CC2D1B: variants seen among roughly 807,000 people sequenced by gnomAD.
CC2D1B encodes the protein coiled-coil and C2 domain-containing protein 1B.
Under a neutral mutation model 110.8 loss-of-function variants are expected in CC2D1B, and 92 were observed. That is an observed-to-expected ratio of 0.83 (90% CI 0.70 to 0.99). The LOEUF (loss-of-function observed/expected upper bound fraction) is 0.99, where lower values mean the gene tolerates loss of function less well. CC2D1B is among the 50% of genes least tolerant of loss of function. CC2D1B has a pLI of 0.00. For synonymous variants in CC2D1B, 406 were observed against 429.2 expected, an observed-to-expected ratio of 0.95 and a Z score of 0.67; for missense variants, 1,136 against 1,089.0, an observed-to-expected ratio of 1.04 and a Z score of -0.61.
rs967928465 is a variant in CC2D1B at position 52,353,201 on chromosome 1, C to G, written c.*24G>C. ...TCTCCTGCACAGTCGCGGCCTGACT[C>G]CTCTCCTGGTGCTGGCCATCGGCTA... On this transcript the variant is annotated 3_prime_UTR_variant, in exon 25 of 25. Transcript: ENST00000284376. 5 of 1,343,158 alleles carry G rather than the reference C, an allele frequency of 3.7e-6. No individual in the cohort carries two copies. The Admixed American group carries it at 6.7e-5, about 18-fold the overall frequency. 83.2% of individuals were successfully genotyped at this position (1,343,158 alleles called of 1,614,324 possible).
intron 16 of CC2D1B, 158 bp from the exon 17 acceptor site, chr1:52,356,600 C>T (rs1646658094): frequency 2.0e-5 from 14 of 710,202 alleles, no homozygotes; most frequent in East Asian, 5.4e-5. Context: ...AGTCCCACCA[C>T]GTTTCTCTGC....
At chr1:52,355,513 T>C (rs939602884) in intron 20 of CC2D1B, 64 bp from the exon 21 acceptor site, 1 of 1,607,636 alleles carries the variant, frequency 6.2e-7, no homozygotes, top group Non-Finnish European at 8.5e-7. Context: ...GGGCAGGCAC[T>C]GCAGCCACAC....
chr1:52,359,388 G>T (rs113118929), intron 9 of CC2D1B, 31 bp from the exon 10 acceptor site: 2 of 1,613,074 alleles, frequency 1.2e-6, no homozygotes, highest in African/African-American at 1.3e-5. Flanking sequence ...GTGTAGGTGG[G>T]AGGGCCTGGC....
intron 23 of CC2D1B, chr1:52,353,891 T>C: frequency 2.5e-6 from 1 of 405,008 alleles, no homozygotes; most frequent in South Asian, 3.8e-5. Flanking sequence ...CTCTGTTCAT[T>C]TTCTCCTCAA....
At chr1:52,354,314 C>G (rs1646593978) in intron 23 of CC2D1B, 1 of 598,670 alleles carries the variant, frequency 1.7e-6, no homozygotes, top group African/African-American at 1.8e-5. Context: ...CCCCTTTCCT[C>G]TCGGACCTGA....
At chr1:52,354,802 C>T (rs771686013) in intron 22 of CC2D1B, 38 bp downstream of exon 22, 141 of 1,605,398 alleles carry the variant, frequency 8.8e-5, no homozygotes, top group Non-Finnish European at 1.0e-4. Context: ...CTTCCCTCCT[C>T]CCGGCCCGTG....
chr1:52,357,840 GA>G lies in CC2D1B; in HGVS notation c.1519del (p.Ser507HisfsTer57). On this transcript the variant is annotated frameshift_variant, in exon 14 of 25. Coordinates refer to ENST00000284376, the MANE Select transcript of CC2D1B (RefSeq NM_001330585.2). LOFTEE classifies it high-confidence loss of function. ...AKKPARPTVP[S>X]SQRLPEPRAS... Reference sequence around the variant, plus strand: ...CCTGGGCTCAGGCAGGCGCTGGGATGAAGGGACTGTGGGCCGTGCAGGTTTC... The same window carrying G: ...CCTGGGCTCAGGCAGGCGCTGGGATGAGGGACTGTGGGCCGTGCAGGTTTC... 6.3e-7 allele frequency: 1 copy of G among 1,593,572 alleles called. No homozygotes were observed. The highest frequency in any genetic ancestry group is 8.5e-7 in the Non-Finnish European group (1 of 1,170,756).
rs372493949 is a variant in CC2D1B, at chr1:52,359,355, G to C, written c.1021C>G (p.Leu341Val). The C allele has an allele frequency of 1.9e-6, 3 of 1,613,584 alleles. No individual in the cohort carries two copies. Among genetic ancestry groups the C allele is most frequent in the Non-Finnish European group, 8.5e-7 (1 of 1,179,856 alleles). The change falls in exon 10 of 25, where the codon CTG becomes GTG. Residue 341 changes from leucine to valine, a missense_variant and splice_region_variant. By Grantham distance (32) the Leu-to-Val change is conservative. Coordinates refer to ENST00000284376, the MANE Select transcript of CC2D1B (RefSeq NM_001330585.2). ...LSAMPPAPED[L>V]KPQQASQAPT... Reference sequence around the variant, plus strand: ...GCCTGAGAAGCCTGCTGGGGCTTCAGATCTGGGGGACCCAGAGTAGAGGTG... The same window carrying C: ...GCCTGAGAAGCCTGCTGGGGCTTCACATCTGGGGGACCCAGAGTAGAGGTG...
chr1:52,353,075 G>T lies in CC2D1B; in HGVS notation c.*150C>A. On this transcript the variant is annotated 3_prime_UTR_variant, in exon 25 of 25. Transcript: ENST00000284376. ...GGGGCCAACAACAGGAAAGACCAGA[G>T]TCGTGGTCAGTAGTGCACATGCTTA... The T allele has an allele frequency of 1.3e-6, 1 of 747,408 alleles. No homozygotes were observed. 46.3% of individuals were successfully genotyped at this position (747,408 alleles called of 1,614,324 possible).
chr1:52,356,950 A>C (rs1557544508), intron 16 of CC2D1B, 51 bp downstream of exon 16: 2 of 1,522,246 alleles, frequency 1.3e-6, no homozygotes, highest in African/African-American at 2.8e-5. Context: ...GTCTTCCTCC[A>C]CGGGGAGGCT....
rs1055998920 is a variant in CC2D1B at position 52,353,067 on chromosome 1, A to G, written c.*158T>C. 5 of 694,576 alleles carry G rather than the reference A, an allele frequency of 7.2e-6. No individual in the cohort carries two copies. In the Admixed American group the frequency reaches 1.1e-4, roughly 15 times the overall value. The allele number at this position is 694,576 out of a possible 1,614,324, so 43.0% of individuals were successfully genotyped here. On this transcript the variant is annotated 3_prime_UTR_variant, in exon 25 of 25. Transcript: ENST00000284376. ...GCCCCAGAGGGGCCAACAACAGGAA[A>G]GACCAGAGTCGTGGTCAGTAGTGCA... is the stretch of plus-strand genomic sequence containing the variant.
Position 52,353,181 on chromosome 1 carries a change from T to C in CC2D1B, c.*44A>G. ...CAGCAAAGCTGGGAAAGTCATCTCC[T>C]GCACAGTCGCGGCCTGACTCCTCTC... On this transcript the variant is annotated 3_prime_UTR_variant, in exon 25 of 25. Transcript: ENST00000284376. 7.6e-7 allele frequency: 1 copy of C among 1,324,168 alleles called. No individual in the cohort carries two copies. Among genetic ancestry groups the C allele is most frequent in the Non-Finnish European group, 1.0e-6 (1 of 1,002,370 alleles). 82.0% of individuals were successfully genotyped at this position (1,324,168 alleles called of 1,614,324 possible).
At position 52,354,276 on chromosome 1, in the gene CC2D1B, A is replaced by G. The variant is rs900961310; in HGVS notation, c.2430+332T>C. 34 of 503,150 alleles carry G rather than the reference A, an allele frequency of 6.8e-5. 1 individual carries two copies. In the Admixed American group the frequency reaches 7.9e-4, roughly 12 times the overall value. 31.2% of individuals were successfully genotyped at this position (503,150 alleles called of 1,614,324 possible). ...GTAAGGAGCTGGTCGTAGCTCTGCC[A>G]AGGACACACCATATGAGCTTACAGA... is the stretch of plus-strand genomic sequence containing the variant. On this transcript the variant is annotated intron_variant, in intron 23 of 24. Coordinates refer to ENST00000284376, the MANE Select transcript of CC2D1B (RefSeq NM_001330585.2).
chr1:52,357,394 C>T lies in CC2D1B; in HGVS notation c.1752+132G>A, dbSNP rs1307266981. 3.8e-6 allele frequency: 4 copies of T among 1,064,262 alleles called. No individual in the cohort carries two copies. The South Asian group carries it at 6.6e-5, about 17-fold the overall frequency. 65.9% of individuals were successfully genotyped at this position (1,064,262 alleles called of 1,614,324 possible). A position where few individuals can be genotyped will look rare whatever the true frequency, so the allele number is the denominator to read the frequency against. ...GGTAGAGGAGTATGAGCAAAAGGCT[C>T]TTTCCCAGCTGTCATCATGCTCTGT... On this transcript the variant is annotated intron_variant, in intron 15 of 24. Coordinates refer to ENST00000284376, the MANE Select transcript of CC2D1B (RefSeq NM_001330585.2).
chr1:52,361,490 G>T, intron 4 of CC2D1B, 23 bp downstream of exon 4: 1 of 1,613,392 alleles, frequency 6.2e-7, no homozygotes. Flanking sequence ...CAGAGCCCTG[G>T]GATACCAGCC....
chr1:52,354,538 G>T lies in CC2D1B; in HGVS notation c.2430+70C>A, dbSNP rs1406018339. On this transcript the variant is annotated intron_variant, in intron 23 of 24. Transcript: ENST00000284376. ...AATGAGCACGAAAACCTACAACAAGGTGTGGCATTCAGTGCGTATTGGCTC... is the reference window on the plus strand; with the variant it reads ...AATGAGCACGAAAACCTACAACAAGTTGTGGCATTCAGTGCGTATTGGCTC... The T allele has an allele frequency of 1.2e-5, 14 of 1,213,832 alleles. No individual in the cohort carries two copies. The East Asian group carries it at 2.8e-4, about 24-fold the overall frequency. The allele number at this position is 1,213,832 out of a possible 1,614,324, so 75.2% of individuals were successfully genotyped here. A position where few individuals can be genotyped will look rare whatever the true frequency, so the allele number is the denominator to read the frequency against.
chr1:52,361,088 G>A lies in CC2D1B; in HGVS notation c.363C>T (p.Pro121=). 2 of 1,613,942 alleles carry A rather than the reference G, an allele frequency of 1.2e-6. No individual in the cohort carries two copies. Among genetic ancestry groups the A allele is most frequent in the East Asian group, 4.5e-5 (2 of 44,846 alleles). ...GGTCAGCTACCTCATCACCATCCAG[G>A]GGCTCAGTCTCCTCGTCCACACCTA... ...EVLGVDEETE[P]LDGDEVADPG... Residue 121 remains proline (P), a synonymous_variant, in exon 5 of 25, where the codon CCC becomes CCT. Transcript: ENST00000284376.
rs1369290323 is a variant in CC2D1B, at chr1:52,361,095, G to A, written c.356C>T (p.Thr119Ile). ...TACCTCATCACCATCCAGGGGCTCA[G>A]TCTCCTCGTCCACACCTAAGACCTC... The part of the protein sequence containing the change: ...LQEVLGVDEE[T>I]EPLDGDEVAD... Residue 119 changes from threonine to isoleucine, a missense_variant, in exon 5 of 25, where the codon ACT (threonine) becomes ATT (isoleucine). Physicochemically the swap from Thr to Ile is moderately conservative, Grantham distance 89. Transcript: ENST00000284376. 1 of 1,613,936 alleles carries A rather than the reference G, an allele frequency of 6.2e-7. No individual in the cohort carries two copies. The highest frequency in any genetic ancestry group is 2.2e-5 in the East Asian group (1 of 44,882).
rs1440672338 is a variant in CC2D1B at position 52,361,223 on chromosome 1, A to G, written c.319-91T>C. The stretch of plus-strand genomic sequence containing the variant: ...GAGTAAAGGACCCTCTCTCTCAGCA[A>G]TATTCCCTAACGTCAGTCACTGTGC... On this transcript the variant is annotated intron_variant, in intron 4 of 24. Coordinates refer to ENST00000284376, the MANE Select transcript of CC2D1B (RefSeq NM_001330585.2). The G allele has an allele frequency of 3.4e-6, 5 of 1,482,762 alleles. No individual in the cohort carries two copies. The African/African-American group carries it at 7.0e-5, about 21-fold the overall frequency. 91.9% of individuals were successfully genotyped at this position (1,482,762 alleles called of 1,614,324 possible).
Sources: allele counts gnomAD v4.1 joint callset, GRCh38; gene constraint gnomAD v4.1.1; transcripts MANE v1.5; gene names NCBI Gene and HGNC (gene_info 2026-07-23, HGNC 2026-07-21).